The following AOX1 variants were observed in gnomAD, a reference collection of about 807,000 sequenced individuals.
The protein encoded by AOX1 is aldehyde oxidase 1, also known as aldehyde oxidase.
Under a neutral mutation model 169.5 loss-of-function variants are expected in AOX1, and 153 were observed. That is an observed-to-expected ratio of 0.90 (90% CI 0.79 to 1.03). The LOEUF is 1.03. Ranked by LOEUF, AOX1 falls within the 50% of genes least tolerant of loss-of-function variation. The pLI is 0.00. For missense variants in AOX1, 1,656 were observed against 1,663.9 expected, an observed-to-expected ratio of 1.00 and a Z score of 0.08; for synonymous variants, 562 against 581.9, an observed-to-expected ratio of 0.97 and a Z score of 0.49.
Position 200,660,069 on chromosome 2 carries a change from G to A in AOX1, c.3375G>A (p.Trp1125Ter). The change falls in exon 29 of 35, where the codon TGG becomes TGA. Residue 1125 changes from tryptophan (W) to a stop codon, truncating the protein, a stop_gained and splice_region_variant. Transcript: ENST00000374700. LOFTEE classifies it high-confidence loss of function. ...ATCCTAAAGGAACTTGGAAAGACTG[G>A]GTGAGAATCAATGGTTCTCTGTATT... The part of the protein sequence containing the change: ...SKNPKGTWKD[W>*]AQTAFDESIN... 1 of 1,612,608 alleles carries A rather than the reference G, an allele frequency of 6.2e-7. No homozygotes were observed. The highest frequency in any genetic ancestry group is 8.5e-7 in the Non-Finnish European group (1 of 1,178,684).
intron 19 of AOX1, among the ~76,000 whole-genome samples, chr2:200,627,125 T>A (rs567648589): frequency 2.0e-5 from 3 of 152,328 alleles, no homozygotes; most frequent in African/African-American, 7.2e-5. Context: ...TTTTTTTCTG[T>A]GCATATTATT....
chr2:200,609,468 CTCT>C (rs2034587238), intron 12 of AOX1, 54 bp downstream of exon 12: 7 of 1,443,090 alleles, frequency 4.9e-6, no homozygotes, highest in Non-Finnish European at 6.8e-6. Flanking sequence ...ACCCCTTTTT[CTCT>C]CTGGGGAGGC....
chr2:200,637,187 C>A, intron 22 of AOX1, 143 bp downstream of exon 22: 2 of 1,022,872 alleles, frequency 2.0e-6, no homozygotes, highest in Non-Finnish European at 2.8e-6. Context: ...CAGCTTATTA[C>A]ACTTACTTGT....
At chr2:200,658,773 T>G (rs2035746435) in intron 27 of AOX1, among the ~76,000 whole-genome samples, 1 of 152,226 alleles carries the variant, frequency 6.6e-6, no homozygotes, top group African/African-American at 2.4e-5. Context: ...TCCAGAAATG[T>G]GGATAGGAGA....
chr2:200,638,921 G>C (rs564197715), intron 23 of AOX1, among the ~76,000 whole-genome samples: 3 of 152,078 alleles, frequency 2.0e-5, no homozygotes. Context: ...TATAATCATT[G>C]AGGGGGGAAA....
chr2:200,599,494 G>A (rs1031750966), intron 4 of AOX1, 126 bp from the exon 5 acceptor site: 90 of 709,416 alleles, frequency 1.3e-4, no homozygotes, highest in African/African-American at 1.0e-3. Context: ...GGGCTCCCAG[G>A]GGCCTCTGCT....
intron 20 of AOX1, among the ~76,000 whole-genome samples, chr2:200,632,879 C>T (rs1412187372): frequency 4.0e-4 from 58 of 146,470 alleles, no homozygotes; most frequent in Non-Finnish European, 6.0e-5. Context: ...TTTAAAAGTG[C>T]TTTTTTTTTT....
Position 200,613,889 on chromosome 2 carries a change from G to C in AOX1, c.1534G>C (p.Val512Leu). The change falls in exon 15 of 35, where the codon GTG becomes CTG. Residue 512 changes from valine (V) to leucine (L), a missense_variant. Coordinates refer to ENST00000374700, the MANE Select transcript of AOX1 (RefSeq NM_001159.4). The part of the protein sequence containing the change: ...SLLGSAPGGK[V>L]EFKRTLIISF... ...TTTGGGCTCGGCGCCAGGTGGGAAA[G>C]TGGAGTTCAAGAGGACTCTCATCAT... The C allele has an allele frequency of 6.2e-7, 1 of 1,612,750 alleles. No individual in the cohort carries two copies. Among genetic ancestry groups the C allele is most frequent in the East Asian group, 2.2e-5 (1 of 44,870 alleles).
Position 200,621,250 on chromosome 2 carries a change from C to T in AOX1, c.2001+4C>T. 1 of 1,609,056 alleles carries T rather than the reference C, an allele frequency of 6.2e-7. No homozygotes were observed. The highest frequency in any genetic ancestry group is 8.5e-7 in the Non-Finnish European group (1 of 1,178,784). ...GAAATTTCTGGCGACAGATAAGGTA[C>T]TGCATTTTTGCTTTCTATTTGAAAA... On this transcript the variant is annotated splice_donor_region_variant and intron_variant, in intron 18 of 34. Coordinates refer to ENST00000374700, the MANE Select transcript of AOX1 (RefSeq NM_001159.4).
chr2:200,614,578 TA>T (rs888545659), intron 15 of AOX1, among the ~76,000 whole-genome samples: 3 of 151,964 alleles, frequency 2.0e-5, no homozygotes, highest in Non-Finnish European at 4.4e-5. Context: ...AGGACACAAC[TA>T]AAAAAAATTC....
chr2:200,613,745 A>T, intron 14 of AOX1, 59 bp from the exon 15 acceptor site: 1 of 1,489,480 alleles, frequency 6.7e-7, no homozygotes, highest in Non-Finnish European at 9.1e-7. Context: ...TACCCATTAG[A>T]TGAAGATATG....
chr2:200,592,548 T>TA (rs1297610653), intron 1 of AOX1, among the ~76,000 whole-genome samples: 1 of 64,772 alleles, frequency 1.5e-5, no homozygotes, highest in East Asian at 5.8e-4. Context: ...TCTGCTGCTA[T>TA]GTGCCAGGCT....
At position 200,669,648 on chromosome 2, in the gene AOX1, G is replaced by A. The variant is rs150828500; in HGVS notation, c.3872G>A (p.Arg1291Gln). ...FAIHDAVSAARQERGLHGPLT... is the reference protein window; with the variant it reads ...FAIHDAVSAAQQERGLHGPLT... ...ATCCATGACGCAGTGAGTGCAGCAC[G>A]ACAGGAGAGAGGCCTGCATGGACCC... The change falls in exon 34 of 35, where the codon CGA becomes CAA. Residue 1291 changes from arginine (R) to glutamine (Q), a missense_variant. Coordinates refer to ENST00000374700, the MANE Select transcript of AOX1 (RefSeq NM_001159.4). 4.3e-6 allele frequency: 7 copies of A among 1,613,878 alleles called. No homozygotes were observed. The highest frequency in any genetic ancestry group is 1.7e-5 in the Admixed American group (1 of 59,972).
intron 31 of AOX1, among the ~76,000 whole-genome samples, chr2:200,665,487 A>G (rs912830450): frequency 6.6e-6 from 1 of 152,204 alleles, no homozygotes; most frequent in Non-Finnish European, 1.5e-5. Flanking sequence ...GCTGGAGTGC[A>G]GTGGCATGAT....
Position 200,623,280 on chromosome 2 carries a change from C to T in AOX1, c.2002-581C>T, listed in dbSNP as rs114274530. The stretch of plus-strand genomic sequence containing the variant: ...TGAACTCCTGAGCCTAGCTGCCCCA[C>T]CTGCAGGCGAATAATCCTAGCTGTC... On this transcript the variant is annotated intron_variant, in intron 18 of 34. Transcript: ENST00000374700. 2.7e-3 allele frequency among the ~76,000 whole-genome samples: 414 copies of T among 152,328 alleles called. 2 individuals carry two copies. The highest frequency in any genetic ancestry group is 3.8e-3 in the Non-Finnish European group (260 of 68,030).
At chr2:200,663,522 A>G (rs1314264008) in intron 31 of AOX1, among the ~76,000 whole-genome samples, 1 of 151,362 alleles carries the variant, frequency 6.6e-6, no homozygotes, top group African/African-American at 2.4e-5. Flanking sequence ...GATGCTCTGA[A>G]GAGATACACA....
chr2:200,627,277 G>T, intron 19 of AOX1, 76 bp from the exon 20 acceptor site: 1 of 899,472 alleles, frequency 1.1e-6, no homozygotes, highest in Non-Finnish European at 1.8e-6. Flanking sequence ...CTCAGAGGAT[G>T]TGCAGTGGGG....
In AOX1 at chr2:200,638,363, G is replaced by A. The variant is rs568449066; in HGVS notation, c.2568+61G>A. On this transcript the variant is annotated intron_variant, in intron 23 of 34. Transcript: ENST00000374700. ...TGTAGATACAACATCCTATCAGTGC[G>A]CAGGGCAGTCTTTGGCTACTCTCTA... The A allele has an allele frequency of 1.2e-4, 173 of 1,462,412 alleles. No individual in the cohort carries two copies. The Middle Eastern group carries it at 2.5e-3, about 21-fold the overall frequency. The allele number at this position is 1,462,412 out of a possible 1,614,324, so 90.6% of individuals were successfully genotyped here. A position where few individuals can be genotyped will look rare whatever the true frequency, so the allele number is the denominator to read the frequency against.
At chr2:200,673,839 C>G (rs1436635938), downstream of AOX1, among the ~76,000 whole-genome samples, 1 of 152,164 alleles carries the variant, frequency 6.6e-6, no homozygotes, top group Non-Finnish European at 1.5e-5. Flanking sequence ...TCTGGGTTTC[C>G]TGTTGTAGCT....
Sources: allele counts gnomAD v4.1 joint callset (sites outside exome capture counted in the v4.1 genomes callset), GRCh38; gene constraint gnomAD v4.1.1; transcripts MANE v1.5; gene names NCBI Gene and HGNC (gene_info 2026-07-23, HGNC 2026-07-21).